ADAMTS17: variants seen among roughly 807,000 people sequenced by gnomAD.
ADAMTS17 encodes the protein ADAM metallopeptidase with thrombospondin type 1 motif 17, also known as A disintegrin and metalloproteinase with thrombospondin motifs 17.
ADAMTS17 carries 113 observed loss-of-function variants against 141.5 expected under a neutral mutation model. The ratio of observed to expected loss-of-function variants is 0.80; its 90% CI spans 0.69 to 0.93. The LOEUF (loss-of-function observed/expected upper bound fraction) is 0.93. Among genes scored for constraint, ADAMTS17 ranks in the 40% least tolerant of loss-of-function variants. ADAMTS17 has a pLI of 0.00. For synonymous variants in ADAMTS17, 768 were observed against 630.6 expected, an observed-to-expected ratio of 1.22 and a Z score of -3.27; for missense variants, 1,659 against 1,517.9, an observed-to-expected ratio of 1.09 and a Z score of -1.54.
chr15:100,033,971 T>C (rs1198923246), intron 18 of ADAMTS17, among the ~76,000 whole-genome samples: 2 of 152,216 alleles, frequency 1.3e-5, no homozygotes, highest in African/African-American at 2.4e-5. Flanking sequence ...AGCAGTTTGA[T>C]TGGCAGTGAT....
intron 18 of ADAMTS17, among the ~76,000 whole-genome samples, chr15:100,002,255 T>C (rs2060943681): frequency 6.6e-6 from 1 of 152,020 alleles, no homozygotes; most frequent in South Asian, 2.1e-4. Flanking sequence ...GAGACCTGTT[T>C]GGCGCTATTG....
At chr15:100,192,171 G>GTTCCT (rs2040943775) in intron 8 of ADAMTS17, among the ~76,000 whole-genome samples, 2 of 152,230 alleles carry the variant, frequency 1.3e-5, no homozygotes, top group Admixed American at 6.5e-5. Flanking sequence ...CAAGTGCAGA[G>GTTCCT]GAAACGTATT....
At chr15:99,996,002 G>A (rs1459968293) in intron 19 of ADAMTS17, among the ~76,000 whole-genome samples, 1 of 151,428 alleles carries the variant, frequency 6.6e-6, no homozygotes, top group Non-Finnish European at 1.5e-5. Flanking sequence ...AATTGATGAT[G>A]TCAGACTTGG....
At chr15:100,304,937 T>C (rs1172526424) in intron 3 of ADAMTS17, among the ~76,000 whole-genome samples, 1 of 152,230 alleles carries the variant, frequency 6.6e-6, no homozygotes. Context: ...AGTGAATATA[T>C]TTTCTCTTAT....
At chr15:100,185,435 C>T (rs1221196734) in intron 8 of ADAMTS17, among the ~76,000 whole-genome samples, 1 of 152,192 alleles carries the variant, frequency 6.6e-6, no homozygotes, top group Non-Finnish European at 1.5e-5. Flanking sequence ...ATGTTGACCC[C>T]ATGTCACAGA....
chr15:100,282,435 T>C (rs929235374), intron 3 of ADAMTS17, among the ~76,000 whole-genome samples: 2 of 152,254 alleles, frequency 1.3e-5, no homozygotes, highest in African/African-American at 4.8e-5. Context: ...CTACATCTAC[T>C]AGACTATGTT....
chr15:100,280,762 C>T (rs541927078), intron 4 of ADAMTS17, among the ~76,000 whole-genome samples: 15 of 152,300 alleles, frequency 9.8e-5, no homozygotes, highest in South Asian at 2.1e-4. Flanking sequence ...TTTGACAAAT[C>T]GGACATAGAC....
chr15:100,015,662 A>G (rs929243121), intron 18 of ADAMTS17, among the ~76,000 whole-genome samples: 1 of 152,148 alleles, frequency 6.6e-6, no homozygotes, highest in African/African-American at 2.4e-5. Flanking sequence ...TTGGCTGATA[A>G]TTGTTTTGTT....
intron 8 of ADAMTS17, among the ~76,000 whole-genome samples, chr15:100,176,124 G>T (rs994675099): frequency 2.6e-5 from 4 of 152,122 alleles, no homozygotes; most frequent in Non-Finnish European, 5.9e-5. Flanking sequence ...CAGAACCACC[G>T]GTCAGTGGCC....
intron 18 of ADAMTS17, among the ~76,000 whole-genome samples, chr15:100,006,969 CTTTG>C (rs1347244990): frequency 2.0e-5 from 3 of 152,218 alleles, no homozygotes; most frequent in African/African-American, 7.2e-5. Context: ...GTCTCAGCCT[CTTTG>C]TTCCCAGATA....
chr15:100,087,772 C>T (rs142499267), intron 15 of ADAMTS17, among the ~76,000 whole-genome samples: 1,765 of 152,208 alleles, frequency 0.012, 39 homozygotes, highest in African/African-American at 0.041. Flanking sequence ...GAAAAGGCCT[C>T]TGACAAAATT....
chr15:100,099,753 T>A (rs953860491), intron 14 of ADAMTS17, among the ~76,000 whole-genome samples: 1 of 133,058 alleles, frequency 7.5e-6, no homozygotes, highest in Middle Eastern at 3.5e-3. Context: ...TATGAGATGG[T>A]ATGAGATGGG....
At chr15:100,180,288 G>C (rs1348774700) in intron 8 of ADAMTS17, among the ~76,000 whole-genome samples, 1 of 152,120 alleles carries the variant, frequency 6.6e-6, no homozygotes, top group Non-Finnish European at 1.5e-5. Flanking sequence ...TTTCCCCAAC[G>C]TATGTTCTTG....
Position 99,997,313 on chromosome 15 carries a change from A to G in ADAMTS17, c.2796+72T>C. ...GCGAGCGAGGGCTGGGAGGCACCAGAATGTCACCAATACCATGGCACCGTG... is the reference window on the plus strand; with the variant it reads ...GCGAGCGAGGGCTGGGAGGCACCAGGATGTCACCAATACCATGGCACCGTG... On this transcript the variant is annotated intron_variant, in intron 19 of 21. Coordinates refer to ENST00000268070, the MANE Select transcript of ADAMTS17 (RefSeq NM_139057.4). This position sits in a 1 kb window ranked among gnomAD's most constrained non-coding sequence, Gnocchi z 4.7. 6.4e-7 allele frequency: 1 copy of G among 1,567,458 alleles called. No individual in the cohort carries two copies. Among genetic ancestry groups the G allele is most frequent in the Non-Finnish European group, 8.8e-7 (1 of 1,140,980 alleles).
intron 3 of ADAMTS17, among the ~76,000 whole-genome samples, chr15:100,320,416 T>A (rs1162018454): frequency 6.6e-6 from 1 of 152,038 alleles, no homozygotes; most frequent in Non-Finnish European, 1.5e-5. Context: ...TTACACAGAA[T>A]CTAAAATCAG....
chr15:100,183,198 A>G (rs2040586317), intron 8 of ADAMTS17, among the ~76,000 whole-genome samples: 1 of 152,196 alleles, frequency 6.6e-6, no homozygotes, highest in South Asian at 2.1e-4. Context: ...TATGTTGACC[A>G]GGTTGGTCTG....
chr15:100,171,342 G>A (rs776675406), intron 8 of ADAMTS17, among the ~76,000 whole-genome samples: 21 of 152,138 alleles, frequency 1.4e-4, no homozygotes, highest in Non-Finnish European at 2.6e-4. Flanking sequence ...TTATTTGGAC[G>A]GCTGCCTTTC....
At chr15:100,078,866 G>C (rs75859177) in intron 15 of ADAMTS17, among the ~76,000 whole-genome samples, 3 of 152,132 alleles carry the variant, frequency 2.0e-5, no homozygotes, top group Non-Finnish European at 4.4e-5. Flanking sequence ...CTTGCAGCTC[G>C]ACAAGAAAAT....
intron 7 of ADAMTS17, among the ~76,000 whole-genome samples, chr15:100,234,140 A>C (rs187016291): frequency 4.2e-4 from 64 of 152,296 alleles, no homozygotes; most frequent in Middle Eastern, 3.4e-3. Flanking sequence ...GGTGTGGTTC[A>C]AAGAGGTCTG....
Sources: gnomAD v4.1 joint callset for allele counts (sites outside exome capture counted in the v4.1 genomes callset) on GRCh38, gnomAD v4.1.1 for gene constraint, Gnocchi (gnomAD v3.1) non-coding constraint, MANE v1.5 for transcripts, NCBI Gene and HGNC (gene_info 2026-07-23, HGNC 2026-07-21) for gene names.